The following ZFHX3 variants were observed in gnomAD, a reference collection of about 807,000 sequenced individuals.
The protein encoded by ZFHX3 is zinc finger homeobox 3, also known as zinc finger homeobox protein 3.
ZFHX3 carries 42 observed loss-of-function variants against 279.1 expected under a neutral mutation model. The ratio of observed to expected loss-of-function variants is 0.15; its 90% CI spans 0.12 to 0.19. The LOEUF is 0.19. ZFHX3 is among the 10% of genes least tolerant of loss of function. The pLI is 1.00. For missense variants in ZFHX3, 4,981 were observed against 4,754.0 expected (o/e 1.05, Z -1.40); for synonymous variants, 2,293 against 1,957.8 (o/e 1.17, Z -4.52).
chr16:73,748,555 T>C (rs1030187363), intron 1 of ZFHX3, among the ~76,000 whole-genome samples: 12 of 152,202 alleles, frequency 7.9e-5, no homozygotes, highest in African/African-American at 2.4e-4. Flanking sequence ...CTGTTGCTCA[T>C]GCTATACCCT....
rs969908773 is a variant in ZFHX3, at chr16:72,811,853, C to A, written c.3663+52G>T. The stretch of plus-strand genomic sequence containing the variant: ...GCCCACCCAAAAGTTTGTTCCCTAC[C>A]AATGTCTAAAACACCTCACCTCCCC... On this transcript the variant is annotated intron_variant, in intron 6 of 9. Transcript: ENST00000268489. 3.7e-6 allele frequency: 6 copies of A among 1,604,220 alleles called. No individual in the cohort carries two copies. The South Asian group carries it at 6.7e-5, about 18-fold the overall frequency.
intron 3 of ZFHX3, among the ~76,000 whole-genome samples, chr16:73,386,567 T>C (rs568579575): frequency 8.5e-5 from 13 of 152,286 alleles, no homozygotes; most frequent in South Asian, 2.1e-4. Context: ...TGCATTTTCA[T>C]AGGGAGCAAT....
In ZFHX3 at chr16:72,811,739, A is replaced by T. The variant is rs374709410; in HGVS notation, c.3702T>A (p.Asp1234Glu). The T allele has an allele frequency of 1.9e-6, 3 of 1,613,986 alleles. No individual in the cohort carries two copies. Among genetic ancestry groups the T allele is most frequent in the Admixed American group, 1.7e-5 (1 of 60,000 alleles). The stretch of plus-strand genomic sequence containing the variant: ...TGGCATGCACCCGGAGCCGGTTGAC[A>T]TCGGCATTACTGTACTTGCAGTAGG... Reference protein sequence around the residue: ...QCPYCKYSNADVNRLRVHAMT... With the variant: ...QCPYCKYSNAEVNRLRVHAMT... The change falls in exon 7 of 10, where the codon GAT becomes GAA. Residue 1234 changes from aspartate to glutamate, a missense_variant. Asp to Glu is a conservative substitution (Grantham distance 45). Coordinates refer to ENST00000268489, the MANE Select transcript of ZFHX3 (RefSeq NM_006885.4).
At chr16:73,559,926 G>A (rs965990753) in intron 2 of ZFHX3, among the ~76,000 whole-genome samples, 5 of 152,180 alleles carry the variant, frequency 3.3e-5, no homozygotes, top group Non-Finnish European at 5.9e-5. Flanking sequence ...GAAGGGAACC[G>A]GCTGTTACAT....
At chr16:73,492,835 T>C (rs1474502489) in intron 2 of ZFHX3, among the ~76,000 whole-genome samples, 1 of 152,178 alleles carries the variant, frequency 6.6e-6, no homozygotes, top group East Asian at 1.9e-4. Flanking sequence ...AATAAACTGC[T>C]CCTAGCGGAC....
chr16:73,724,492 G>A (rs2142241462), intron 1 of ZFHX3, among the ~76,000 whole-genome samples: 1 of 152,314 alleles, frequency 6.6e-6, no homozygotes, highest in Non-Finnish European at 1.5e-5. Context: ...GAGACTTGGG[G>A]TGCCTAGTTG....
chr16:73,884,049 CAT>C (rs745895487), intron 1 of ZFHX3, among the ~76,000 whole-genome samples: 4 of 152,190 alleles, frequency 2.6e-5, no homozygotes, highest in African/African-American at 4.8e-5. Flanking sequence ...GTGAACCACA[CAT>C]AGAGTAACAG....
chr16:73,553,153 A>T (rs555503201), intron 2 of ZFHX3, among the ~76,000 whole-genome samples: 1 of 151,862 alleles, frequency 6.6e-6, no homozygotes, highest in South Asian at 2.1e-4. Flanking sequence ...ATGTTTCCCA[A>T]TGTTTTAAAT....
chr16:72,824,409 A>G (rs2036881751), intron 5 of ZFHX3, among the ~76,000 whole-genome samples: 1 of 152,182 alleles, frequency 6.6e-6, no homozygotes, highest in Non-Finnish European at 1.5e-5. Flanking sequence ...ATAAAGTAAA[A>G]TCCCTTCAGG....
intron 1 of ZFHX3, among the ~76,000 whole-genome samples, chr16:73,011,598 G>A (rs1963920650): frequency 2.6e-5 from 4 of 152,004 alleles, no homozygotes; most frequent in Admixed American, 2.0e-4. Flanking sequence ...AAAATTAGCT[G>A]GGCTTGGTGG....
At chr16:73,737,499 C>T (rs979482385) in intron 1 of ZFHX3, among the ~76,000 whole-genome samples, 7 of 152,068 alleles carry the variant, frequency 4.6e-5, no homozygotes, top group South Asian at 4.2e-4. Flanking sequence ...AGAAAATGCC[C>T]GGATATTTTA....
chr16:73,442,557 A>T (rs1031871095), intron 3 of ZFHX3, among the ~76,000 whole-genome samples: 4 of 152,176 alleles, frequency 2.6e-5, no homozygotes, highest in Admixed American at 1.3e-4. Flanking sequence ...ATGAGATGAC[A>T]TAGGTGATTA....
chr16:73,685,694 A>G (rs1215984259), intron 1 of ZFHX3, among the ~76,000 whole-genome samples: 1 of 152,198 alleles, frequency 6.6e-6, no homozygotes, highest in Non-Finnish European at 1.5e-5. Flanking sequence ...GGGTCTTTAT[A>G]ATGAGCCTAT....
At chr16:72,839,978 G>A (rs2037304863) in intron 4 of ZFHX3, among the ~76,000 whole-genome samples, 1 of 152,194 alleles carries the variant, frequency 6.6e-6, no homozygotes, top group South Asian at 2.1e-4. Context: ...TTTCCATGCT[G>A]GGAGGGGAGA....
At chr16:73,509,025 G>A (rs1373737508) in intron 2 of ZFHX3, among the ~76,000 whole-genome samples, 1 of 152,162 alleles carries the variant, frequency 6.6e-6, no homozygotes, top group Non-Finnish European at 1.5e-5. Context: ...CATCCCAAAT[G>A]CAGTGTCATA....
chr16:73,735,995 T>TC (rs781165051), intron 1 of ZFHX3, among the ~76,000 whole-genome samples: 3 of 151,384 alleles, frequency 2.0e-5, no homozygotes. Flanking sequence ...ATCTCCTAGC[T>TC]CCCCCAGGGT....
chr16:73,020,205 G>T (rs1964252322), intron 1 of ZFHX3, among the ~76,000 whole-genome samples: 1 of 152,136 alleles, frequency 6.6e-6, no homozygotes, highest in Non-Finnish European at 1.5e-5. Flanking sequence ...CGGGAGGCCT[G>T]ATTTTAATTT....
Position 73,602,021 on chromosome 16 carries a change from A to C in ZFHX3, c.-1547+78159T>G, listed in dbSNP as rs13329727. ...GTGGCATATGCCTGTAGTCCCAACT[A>C]CTCAGGAGGCTGGAGCAGGACGATT... On this transcript the variant is annotated intron_variant, in intron 2 of 17. Transcript: ENST00000641206. Among the ~76,000 whole-genome samples, 3 of 152,162 alleles carry C rather than the reference A, an allele frequency of 2.0e-5. 1 individual carries two copies. Among genetic ancestry groups the C allele is most frequent in the Admixed American group, 2.0e-4 (3 of 15,290 alleles).
At chr16:73,023,872 G>T (rs1409455414) in intron 1 of ZFHX3, among the ~76,000 whole-genome samples, 1 of 152,162 alleles carries the variant, frequency 6.6e-6, no homozygotes, top group African/African-American at 2.4e-5. Flanking sequence ...ATGCAAGGGA[G>T]CTCCGAGGGA....
Sources: gnomAD v4.1 joint callset for allele counts (sites outside exome capture counted in the v4.1 genomes callset) on GRCh38, gnomAD v4.1.1 for gene constraint, MANE v1.5 for transcripts, NCBI Gene and HGNC (gene_info 2026-07-23, HGNC 2026-07-21) for gene names.